Variants in HYDIN observed in about 807,000 individuals in gnomAD.
HYDIN encodes HYDIN axonemal central pair apparatus protein.
HYDIN carries 132 observed loss-of-function variants against 403.9 expected under a neutral mutation model. The ratio of observed to expected loss-of-function variants is 0.33; its 90% confidence interval spans 0.28 to 0.38. HYDIN has a LOEUF of 0.38. HYDIN is among the 10% of genes least tolerant of loss of function. HYDIN has a pLI of 1.00. For missense variants in HYDIN, 2,827 were observed against 5,009.5 expected, an observed-to-expected ratio of 0.56 and a Z score of 13.15; for synonymous variants, 1,202 against 1,891.7, an observed-to-expected ratio of 0.64 and a Z score of 9.46.
chr16:71,040,530 G>C (rs2081255535), intron 18 of HYDIN, among the ~76,000 whole-genome samples: 1 of 115,998 alleles, frequency 8.6e-6, no homozygotes, highest in African/African-American at 3.4e-5. Context: ...ACAAGTTCCA[G>C]AGCTCAGGGA....
At position 71,062,246 on chromosome 16, in the gene HYDIN, C is replaced by T; in HGVS notation, c.2299G>A (p.Val767Ile). ...SPSSTIHIPL[V>I]LETQVTGEHR... Reference sequence around the variant, plus strand: ...TCTCCAGTGACCTGGGTCTCCAGGACCAGTGGTATGTGGATGGTGCTGCTT... The same window carrying T: ...TCTCCAGTGACCTGGGTCTCCAGGATCAGTGGTATGTGGATGGTGCTGCTT... The change falls in exon 17 of 86, where the codon GTC becomes ATC. Residue 767 changes from valine to isoleucine, a missense_variant. Transcript: ENST00000393567. 6.6e-7 allele frequency: 1 copy of T among 1,513,910 alleles called. No individual in the cohort carries two copies. Among genetic ancestry groups the T allele is most frequent in the African/African-American group, 1.4e-5 (1 of 73,214 alleles). The allele number at this position is 1,513,910 out of a possible 1,614,324, so 93.8% of individuals were successfully genotyped here.
chr16:71,169,773 T>C (rs892289684), intron 5 of HYDIN, among the ~76,000 whole-genome samples: 8 of 152,148 alleles, frequency 5.3e-5, no homozygotes, highest in African/African-American at 1.9e-4. Context: ...TATTGTAAAA[T>C]TGAAAATTGC....
chr16:70,840,471 G>T (rs1382939005), intron 75 of HYDIN, among the ~76,000 whole-genome samples: 1 of 151,928 alleles, frequency 6.6e-6, no homozygotes, highest in Non-Finnish European at 1.5e-5. Context: ...CAGCTTGAAG[G>T]CTCAGGGGTA....
At chr16:70,964,312 C>T (rs2078506869) in intron 37 of HYDIN, among the ~76,000 whole-genome samples, 1 of 148,536 alleles carries the variant, frequency 6.7e-6, no homozygotes, top group South Asian at 2.2e-4. Context: ...CTAGGTCTAC[C>T]CATAGGAAGC....
At chr16:70,856,793 C>T (rs1382270876) in intron 72 of HYDIN, among the ~76,000 whole-genome samples, 6 of 152,294 alleles carry the variant, frequency 3.9e-5, no homozygotes, top group Admixed American at 6.5e-5. Context: ...TTATGTGTAT[C>T]GGTAAAATAC....
chr16:71,198,697 G>A (rs911566696), intron 1 of HYDIN, among the ~76,000 whole-genome samples: 1 of 152,158 alleles, frequency 6.6e-6, no homozygotes, highest in African/African-American at 2.4e-5. Flanking sequence ...TTGGGATGGA[G>A]ATGATATTTC....
At chr16:70,907,144 G>A (rs1159704354) in intron 50 of HYDIN, among the ~76,000 whole-genome samples, 1 of 152,162 alleles carries the variant, frequency 6.6e-6, no homozygotes, top group Non-Finnish European at 1.5e-5. Flanking sequence ...CCCTGATCAA[G>A]CCTGAAACCT....
In HYDIN at chr16:70,912,093, C is replaced by G. The variant is rs551264421; in HGVS notation, c.8005-3232G>C. Among the ~76,000 whole-genome samples the G allele has an allele frequency of 5.3e-3, 795 of 150,540 alleles. 7 individuals are homozygous for G. Among genetic ancestry groups the G allele is most frequent in the African/African-American group, 0.019 (759 of 40,538 alleles). ...ACTTCCTCTTTGCTGATTTGGATAC[C>G]CTTTATTGCTCTCTCTTGTCTGATT... On this transcript the variant is annotated intron_variant, in intron 47 of 85. Transcript: ENST00000393567.
At chr16:70,913,082 C>G (rs1329379724) in intron 47 of HYDIN, among the ~76,000 whole-genome samples, 1 of 151,878 alleles carries the variant, frequency 6.6e-6, no homozygotes, top group Non-Finnish European at 1.5e-5. Context: ...AAAGAACCAG[C>G]TTTTTGTTTC....
At chr16:71,130,465 T>G (rs1463141626) in intron 8 of HYDIN, among the ~76,000 whole-genome samples, 1 of 141,724 alleles carries the variant, frequency 7.1e-6, no homozygotes. Context: ...ACTCCATATA[T>G]ACCGGTTTTT....
intron 1 of HYDIN, among the ~76,000 whole-genome samples, chr16:71,190,282 G>A (rs1159044447): frequency 6.6e-6 from 1 of 151,706 alleles, no homozygotes; most frequent in African/African-American, 2.4e-5. Context: ...AGCTACCAGG[G>A]TTGTCAGGGA....
intron 45 of HYDIN, among the ~76,000 whole-genome samples, chr16:70,927,538 C>A: frequency 6.6e-6 from 1 of 151,692 alleles, no homozygotes; most frequent in Non-Finnish European, 1.5e-5. Flanking sequence ...TGGGCTGCTA[C>A]TCTCTGCCTA....
chr16:71,207,188 C>T (rs1368085430), intron 1 of HYDIN, among the ~76,000 whole-genome samples: 1 of 152,132 alleles, frequency 6.6e-6, no homozygotes, highest in African/African-American at 2.4e-5. Context: ...AAGGACAGGT[C>T]ACCTACAAAG....
At chr16:70,865,939 C>T (rs2039721847) in intron 67 of HYDIN, among the ~76,000 whole-genome samples, 1 of 152,258 alleles carries the variant, frequency 6.6e-6, no homozygotes, top group South Asian at 2.1e-4. Flanking sequence ...TGATGCCGCC[C>T]TCCTGGTGTA....
intron 55 of HYDIN, 84 bp from the exon 56 acceptor site, chr16:70,892,613 G>A: frequency 4.0e-6 from 6 of 1,490,966 alleles, no homozygotes; most frequent in Non-Finnish European, 5.4e-6. Flanking sequence ...ATGGTTGAGT[G>A]CCTGCTGTGT....
chr16:71,017,427 T>G (rs2080300759), intron 23 of HYDIN, among the ~76,000 whole-genome samples: 1 of 151,968 alleles, frequency 6.6e-6, no homozygotes, highest in South Asian at 2.1e-4. Context: ...AAGATATGCC[T>G]TGCTTCCCCT....
intron 1 of HYDIN, among the ~76,000 whole-genome samples, chr16:71,213,329 T>C (rs1038807968): frequency 1.3e-5 from 2 of 152,150 alleles, no homozygotes; most frequent in Non-Finnish European, 2.9e-5. Context: ...ATAGCGTTTA[T>C]AATATTAACA....
At chr16:70,992,643 C>G (rs2079396407) in intron 23 of HYDIN, among the ~76,000 whole-genome samples, 2 of 150,006 alleles carry the variant, frequency 1.3e-5, no homozygotes, top group African/African-American at 2.5e-5. Context: ...TAAGACTCAG[C>G]TGAGGCCTGG....
chr16:71,001,965 G>C (rs972297593), intron 23 of HYDIN, among the ~76,000 whole-genome samples: 2 of 152,188 alleles, frequency 1.3e-5, no homozygotes, highest in African/African-American at 4.8e-5. Context: ...TAATGAGGTG[G>C]AACATCTTTT....
Sources: allele counts gnomAD v4.1 joint callset (sites outside exome capture counted in the v4.1 genomes callset), GRCh38; gene constraint gnomAD v4.1.1; transcripts MANE v1.5; gene names NCBI Gene and HGNC (gene_info 2026-07-23, HGNC 2026-07-21).